ERC2: variants seen among roughly 807,000 people sequenced by gnomAD.
ERC2 encodes ELKS/RAB6-interacting/CAST family member 2.
Under a neutral mutation model 114.8 loss-of-function variants are expected in ERC2, and 42 were observed. The observed-to-expected ratio is 0.37, with a 90% CI of 0.29 to 0.47. The LOEUF is 0.47. Among genes scored for constraint, ERC2 ranks in the 20% least tolerant of loss-of-function variants. The pLI is 0.99. For missense variants in ERC2, 939 were observed against 1,150.7 expected, an observed-to-expected ratio of 0.82 and a Z score of 2.66; for synonymous variants, 454 against 425.5, an observed-to-expected ratio of 1.07 and a Z score of -0.82.
chr3:55,678,247 A>G (rs1021898759), intron 17 of ERC2, among the ~76,000 whole-genome samples: 1 of 152,224 alleles, frequency 6.6e-6, no homozygotes, highest in Admixed American at 6.5e-5. Flanking sequence ...GTTAGTTCTC[A>G]TATTAACTCC....
At chr3:56,262,208 T>TC (rs2052985379) in intron 3 of ERC2, among the ~76,000 whole-genome samples, 2 of 152,224 alleles carry the variant, frequency 1.3e-5, no homozygotes, top group Admixed American at 1.3e-4. Flanking sequence ...TTGCTACTCT[T>TC]CAAGTGTGTG....
chr3:55,589,583 C>A (rs960047730), intron 17 of ERC2, among the ~76,000 whole-genome samples: 1 of 152,126 alleles, frequency 6.6e-6, no homozygotes, highest in Non-Finnish European at 1.5e-5. Context: ...CCACCTGAGG[C>A]CTCCATGAGG....
intron 17 of ERC2, among the ~76,000 whole-genome samples, chr3:55,578,019 C>T (rs2057073240): frequency 1.3e-5 from 2 of 152,172 alleles, no homozygotes; most frequent in Admixed American, 1.3e-4. Context: ...CATGGGAAAC[C>T]TCACTGGGTA....
At chr3:55,690,794 C>G (rs914037456) in intron 16 of ERC2, among the ~76,000 whole-genome samples, 7 of 152,248 alleles carry the variant, frequency 4.6e-5, no homozygotes, top group Non-Finnish European at 7.3e-5. Context: ...CCCTACCTGG[C>G]AGGGCTTATT....
chr3:55,824,984 A>G (rs2060270698), intron 14 of ERC2, among the ~76,000 whole-genome samples: 2 of 152,064 alleles, frequency 1.3e-5, no homozygotes, highest in Non-Finnish European at 2.9e-5. Context: ...TTTCCCCTTA[A>G]TCATCACTAT....
intron 12 of ERC2, among the ~76,000 whole-genome samples, chr3:55,961,512 G>A (rs1225528575): frequency 6.6e-6 from 1 of 151,928 alleles, no homozygotes; most frequent in African/African-American, 2.4e-5. Context: ...TCTGCTATAG[G>A]CACCCTCTGT....
chr3:56,453,083 C>G (rs1274361712), intron 1 of ERC2, among the ~76,000 whole-genome samples: 1 of 152,188 alleles, frequency 6.6e-6, no homozygotes, highest in Non-Finnish European at 1.5e-5. Flanking sequence ...TTAGCCCATG[C>G]ATTAAATTGC....
intron 3 of ERC2, among the ~76,000 whole-genome samples, chr3:56,262,102 T>A (rs2052977049): frequency 6.6e-6 from 1 of 152,230 alleles, no homozygotes; most frequent in Non-Finnish European, 1.5e-5. Context: ...ATTTTTTTTA[T>A]CCAGCCTATC....
intron 2 of ERC2, among the ~76,000 whole-genome samples, chr3:56,393,801 G>C (rs1263163551): frequency 1.3e-5 from 2 of 152,084 alleles, no homozygotes; most frequent in African/African-American, 4.8e-5. Flanking sequence ...GCCAGGATTA[G>C]CAAACCATCA....
At chr3:55,529,229 T>C (rs1215626730) in intron 17 of ERC2, among the ~76,000 whole-genome samples, 3 of 152,160 alleles carry the variant, frequency 2.0e-5, no homozygotes, top group African/African-American at 4.8e-5. Context: ...CATTTAATTA[T>C]TGAAAGTTGA....
At chr3:56,447,217 AGGACCACAGAGTGG>A (rs753643684) in intron 1 of ERC2, among the ~76,000 whole-genome samples, 29 of 152,250 alleles carry the variant, frequency 1.9e-4, no homozygotes, top group Non-Finnish European at 3.2e-4. Context: ...CTTCCCTTGC[AGGACCACAGAGTGG>A]GGACCACAGA....
At chr3:56,126,521 G>A (rs774257395) in intron 6 of ERC2, among the ~76,000 whole-genome samples, 5 of 152,158 alleles carry the variant, frequency 3.3e-5, no homozygotes, top group African/African-American at 1.2e-4. Flanking sequence ...ACTGTGAGAG[G>A]TTGAGGCACA....
At chr3:55,715,974 T>C (rs1296588827) in intron 15 of ERC2, among the ~76,000 whole-genome samples, 2 of 152,030 alleles carry the variant, frequency 1.3e-5, no homozygotes, top group Non-Finnish European at 2.9e-5. Context: ...ATGCAGAAAA[T>C]AAGAACATGC....
intron 17 of ERC2, among the ~76,000 whole-genome samples, chr3:55,599,697 T>G (rs144930016): frequency 1.3e-3 from 202 of 152,332 alleles, no homozygotes; most frequent in African/African-American, 4.7e-3. Flanking sequence ...TCATCTATAG[T>G]AAGAAATTCT....
chr3:55,566,589 C>T (rs188028203), intron 17 of ERC2, among the ~76,000 whole-genome samples: 7 of 152,138 alleles, frequency 4.6e-5, no homozygotes, highest in Admixed American at 4.6e-4. Context: ...GTGCCACCAC[C>T]CCTGTTTAAG....
At chr3:55,989,272 A>G (rs1409910684) in intron 11 of ERC2, among the ~76,000 whole-genome samples, 1 of 152,260 alleles carries the variant, frequency 6.6e-6, no homozygotes, top group Non-Finnish European at 1.5e-5. Flanking sequence ...TGCATTCCAT[A>G]TTGAAGAAAT....
At chr3:56,244,463 T>G (rs1426835863) in intron 3 of ERC2, among the ~76,000 whole-genome samples, 5 of 152,234 alleles carry the variant, frequency 3.3e-5, no homozygotes, top group African/African-American at 4.8e-5. Flanking sequence ...AAGAAGGCAT[T>G]GACATCATAG....
At chr3:55,630,474 G>A (rs1281068486) in intron 17 of ERC2, among the ~76,000 whole-genome samples, 2 of 152,170 alleles carry the variant, frequency 1.3e-5, no homozygotes, top group Non-Finnish European at 2.9e-5. Context: ...CGGCCAATAA[G>A]ACAGTTTTTA....
At chr3:55,975,590 C>T (rs1025409688) in intron 12 of ERC2, among the ~76,000 whole-genome samples, 3 of 152,144 alleles carry the variant, frequency 2.0e-5, no homozygotes. Context: ...TCTTCTTATT[C>T]ATCATTATTG....
Sources: gnomAD v4.1 joint callset for allele counts (sites outside exome capture counted in the v4.1 genomes callset) on GRCh38, gnomAD v4.1.1 for gene constraint, MANE v1.5 for transcripts, NCBI Gene and HGNC (gene_info 2026-07-23, HGNC 2026-07-21) for gene names.